ABLIM1: variants seen among roughly 807,000 people sequenced by gnomAD.
ABLIM1 encodes the protein actin binding LIM protein 1.
A neutral mutation model predicts 107.0 loss-of-function variants in ABLIM1; 40 were observed. The observed-to-expected ratio is 0.37, with a 90% CI of 0.29 to 0.49. The LOEUF (loss-of-function observed/expected upper bound fraction) is 0.49, where lower values mean the gene tolerates loss of function less well. Ranked by LOEUF, ABLIM1 falls within the 20% of genes least tolerant of loss-of-function variation. The pLI is 0.97. For synonymous variants in ABLIM1, 357 were observed against 357.3 expected (o/e 1.00, Z 0.01); for missense variants, 857 against 1,008.5 (o/e 0.85, Z 2.04).
intron 1 of ABLIM1, among the ~76,000 whole-genome samples, chr10:114,710,613 C>G (rs1346010389): frequency 6.6e-6 from 1 of 152,060 alleles, no homozygotes; most frequent in Non-Finnish European, 1.5e-5. Flanking sequence ...TATCACCCAT[C>G]TCTACTAAAA....
Position 114,710,935 on chromosome 10 carries a change from C to T in ABLIM1, c.-213+57126G>A, listed in dbSNP as rs186685565. On this transcript the variant is annotated intron_variant, in intron 1 of 15. Transcript: ENST00000651092. Reference sequence around the variant, plus strand: ...CTTTGGAGCATTTGCTTATCCCTCACGCATTCCAAAATCCCAAAGACATCT... The same window carrying T: ...CTTTGGAGCATTTGCTTATCCCTCATGCATTCCAAAATCCCAAAGACATCT... Among the ~76,000 whole-genome samples the T allele has an allele frequency of 1.3e-3, 200 of 152,324 alleles. 3 individuals carry two copies. The highest frequency in any genetic ancestry group is 4.5e-3 in the African/African-American group (186 of 41,580).
intron 1 of ABLIM1, among the ~76,000 whole-genome samples, chr10:114,756,927 T>C (rs530428356): frequency 2.0e-4 from 31 of 152,294 alleles, no homozygotes; most frequent in Non-Finnish European, 3.8e-4. Context: ...GTCTCTCACC[T>C]TCATCACTCT....
At chr10:114,509,882 G>A (rs752747086) in intron 6 of ABLIM1, among the ~76,000 whole-genome samples, 4 of 152,196 alleles carry the variant, frequency 2.6e-5, no homozygotes, top group Non-Finnish European at 5.9e-5. Flanking sequence ...TGGCTGACAC[G>A]GGGAGGCCTC....
At chr10:114,574,509 G>A (rs1427192486) in intron 3 of ABLIM1, among the ~76,000 whole-genome samples, 2 of 151,744 alleles carry the variant, frequency 1.3e-5, no homozygotes, top group East Asian at 1.9e-4. Context: ...GCACGATCTC[G>A]GCTCACTGCA....
intron 1 of ABLIM1, among the ~76,000 whole-genome samples, chr10:114,618,288 A>G (rs1428492026): frequency 6.6e-6 from 1 of 152,160 alleles, no homozygotes; most frequent in Admixed American, 6.5e-5. Context: ...GTTCTCTTAG[A>G]TTTAATCGTT....
At chr10:114,708,253 G>C (rs565456300) in intron 1 of ABLIM1, among the ~76,000 whole-genome samples, 7 of 152,170 alleles carry the variant, frequency 4.6e-5, no homozygotes, top group Non-Finnish European at 1.0e-4. Context: ...ACCATTCCAA[G>C]GCTGTAATTA....
intron 1 of ABLIM1, among the ~76,000 whole-genome samples, chr10:114,671,021 C>T (rs527730721): frequency 2.8e-4 from 43 of 152,256 alleles, no homozygotes; most frequent in African/African-American, 1.0e-3. Flanking sequence ...TAACCACTTC[C>T]CAAGTCAGAT....
intron 1 of ABLIM1, among the ~76,000 whole-genome samples, chr10:114,649,352 A>T (rs529079912): frequency 5.9e-5 from 9 of 151,978 alleles, no homozygotes; most frequent in Admixed American, 2.6e-4. Context: ...CAGTGAGCCA[A>T]GATCACACCA....
At chr10:114,538,320 C>T (rs1417915522) in intron 6 of ABLIM1, among the ~76,000 whole-genome samples, 1 of 152,192 alleles carries the variant, frequency 6.6e-6, no homozygotes, top group African/African-American at 2.4e-5. Flanking sequence ...CCCAGGAGTT[C>T]AGCAGGAGGG....
intron 6 of ABLIM1, among the ~76,000 whole-genome samples, chr10:114,512,615 A>G (rs1480855581): frequency 1.3e-5 from 2 of 152,154 alleles, no homozygotes; most frequent in Non-Finnish European, 2.9e-5. Context: ...ACTTGAGGTC[A>G]GGAGTTCAAG....
chr10:114,719,660 G>T (rs768690914), intron 1 of ABLIM1, among the ~76,000 whole-genome samples: 2 of 152,188 alleles, frequency 1.3e-5, no homozygotes. Flanking sequence ...AAACAGAAAG[G>T]CTGATGTCTG....
chr10:114,639,174 A>G (rs1331998177), intron 1 of ABLIM1, among the ~76,000 whole-genome samples: 1 of 152,174 alleles, frequency 6.6e-6, no homozygotes, highest in Non-Finnish European at 1.5e-5. Flanking sequence ...AGCCAAGTAA[A>G]ACATGCAACA....
intron 15 of ABLIM1, among the ~76,000 whole-genome samples, chr10:114,446,386 G>A (rs1051770233): frequency 3.3e-5 from 5 of 152,110 alleles, no homozygotes; most frequent in Admixed American, 3.3e-4. Context: ...GAACAATATA[G>A]TAAATTGTGT....
At position 114,701,672 on chromosome 10, in the gene ABLIM1, C is replaced by T. The variant is rs574168421; in HGVS notation, c.-213+66389G>A. On this transcript the variant is annotated intron_variant, in intron 1 of 15. Transcript: ENST00000651092. ...GGAAAAAGCCTTACACAAAACAGTG[C>T]GTAGTATATGAGTCAATTTATGTGA... Among the ~76,000 whole-genome samples, 11 of 152,152 alleles carry T rather than the reference C, an allele frequency of 7.2e-5. No individual in the cohort carries two copies. The South Asian group carries it at 1.0e-3, about 14-fold the overall frequency.
At chr10:114,622,272 G>A (rs559694697) in intron 1 of ABLIM1, among the ~76,000 whole-genome samples, 3 of 146,956 alleles carry the variant, frequency 2.0e-5, no homozygotes, top group Admixed American at 1.4e-4. Context: ...TTTGAGACAG[G>A]GTCTCACTCT....
chr10:114,759,113 T>C (rs1397988226), intron 1 of ABLIM1, among the ~76,000 whole-genome samples: 1 of 152,204 alleles, frequency 6.6e-6, no homozygotes, highest in African/African-American at 2.4e-5. Flanking sequence ...ATGTTTATTT[T>C]AATGCAGGGT....
chr10:114,766,093 T>C (rs73357614), intron 1 of ABLIM1, among the ~76,000 whole-genome samples: 2,221 of 152,308 alleles, frequency 0.015, 56 homozygotes, highest in African/African-American at 0.051. Context: ...GGATCTGCCA[T>C]TTACCAAGCT....
At chr10:114,491,014 A>G (rs866695271) in intron 7 of ABLIM1, among the ~76,000 whole-genome samples, 113 of 52,974 alleles carry the variant, frequency 2.1e-3, no homozygotes, top group Admixed American at 5.1e-3. Flanking sequence ...GTGTGTGTGT[A>G]TATATATATA....
chr10:114,684,601 C>T (rs549345569), exon 1 of ABLIM1: 16 of 1,297,618 alleles, frequency 1.2e-5, no homozygotes, highest in African/African-American at 1.5e-5. Flanking sequence ...TTCTCTCGAC[C>T]CTGCCCCTAC....
Sources: gnomAD v4.1 joint callset for allele counts (sites outside exome capture counted in the v4.1 genomes callset) on GRCh38, gnomAD v4.1.1 for gene constraint, MANE v1.5 for transcripts, NCBI Gene and HGNC (gene_info 2026-07-23, HGNC 2026-07-21) for gene names.